The following DPYSL2 variants were observed in gnomAD, a reference collection of about 807,000 sequenced individuals.
DPYSL2 encodes the protein dihydropyrimidinase like 2.
DPYSL2 carries 13 observed loss-of-function variants against 69.9 expected under a neutral mutation model. The observed-to-expected ratio is 0.19, with a 90% CI of 0.12 to 0.30. The LOEUF (loss-of-function observed/expected upper bound fraction) is 0.30, where lower values mean the gene tolerates loss of function less well. Among genes scored for constraint, DPYSL2 ranks in the 10% least tolerant of loss-of-function variants. The probability of loss-of-function intolerance (pLI) is 1.00; values close to 1 mark genes in which losing one functional copy is unlikely to be tolerated. For missense variants in DPYSL2, 587 were observed against 918.9 expected, an observed-to-expected ratio of 0.64 and a Z score of 4.67; for synonymous variants, 326 against 359.1, an observed-to-expected ratio of 0.91 and a Z score of 1.04.
intron 8 of DPYSL2, among the ~76,000 whole-genome samples, chr8:26,639,554 G>A (rs1802994158): frequency 6.6e-6 from 1 of 152,226 alleles, no homozygotes; most frequent in Non-Finnish European, 1.5e-5. Flanking sequence ...CATAAGGGCA[G>A]ACATAGAAAC....
At chr8:26,540,748 A>G (rs1004059748) in intron 1 of DPYSL2, among the ~76,000 whole-genome samples, 5 of 152,062 alleles carry the variant, frequency 3.3e-5, no homozygotes, top group Non-Finnish European at 5.9e-5. Flanking sequence ...TCTACTAAAA[A>G]TACAAAATTA....
At chr8:26,604,753 C>T (rs746565782) in intron 3 of DPYSL2, among the ~76,000 whole-genome samples, 7 of 151,988 alleles carry the variant, frequency 4.6e-5, no homozygotes, top group South Asian at 2.1e-4. Flanking sequence ...TCTCCTCCTC[C>T]GGGGTTCAAG....
chr8:26,553,898 C>CTTTTTTTTTTTTTTTTTTTTTTTTTGTT (rs35594312), intron 1 of DPYSL2, among the ~76,000 whole-genome samples: 1 of 117,068 alleles, frequency 8.5e-6, no homozygotes, highest in African/African-American at 3.3e-5. Context: ...TATTTTTGGG[C>CTTTTTTTTTTTTTTTTTTTTTTTTTGTT]TTTTTTTTTT....
At chr8:26,618,330 T>C (rs753151943) in intron 3 of DPYSL2, among the ~76,000 whole-genome samples, 5 of 149,686 alleles carry the variant, frequency 3.3e-5, no homozygotes, top group Non-Finnish European at 7.4e-5. Context: ...TTTTTTTTCT[T>C]AATAGACAGT....
rs1382070476 is a variant in DPYSL2 at position 26,597,719 on chromosome 8, C to G, written c.628+13736C>G. Among the ~76,000 whole-genome samples, 1 of 151,808 alleles carries G rather than the reference C, an allele frequency of 6.6e-6. No individual in the cohort carries two copies. Among genetic ancestry groups the G allele is most frequent in the Non-Finnish European group, 1.5e-5 (1 of 67,984 alleles). On this transcript the variant is annotated intron_variant, in intron 3 of 13. Coordinates refer to ENST00000521913, the MANE Select transcript of DPYSL2 (RefSeq NM_001197293.3). The surrounding 1 kb of genome is among the most constrained non-coding windows in gnomAD (Gnocchi z 5.2). ...TCGATCTCCTGACCTTGTGATCCAC[C>G]CGCCTCGGCCTCCCAAAGTGCTGGG...
At chr8:26,576,875 G>GCAGCTGCCCCCGACAGCGCTGCAGGCAC (rs1801356815) in intron 1 of DPYSL2, among the ~76,000 whole-genome samples, 1 of 152,208 alleles carries the variant, frequency 6.6e-6, no homozygotes, top group African/African-American at 2.4e-5. Flanking sequence ...TGGGATCGCA[G>GCAGCTGCCCCCGACAGCGCTGCAGGCAC]CAGCTGCCCC....
intron 1 of DPYSL2, among the ~76,000 whole-genome samples, chr8:26,528,422 G>A (rs1388724141): frequency 6.6e-6 from 1 of 152,150 alleles, no homozygotes; most frequent in Non-Finnish European, 1.5e-5. Flanking sequence ...GCTGAGGCGG[G>A]TGGATCCCGA....
intron 8 of DPYSL2, among the ~76,000 whole-genome samples, chr8:26,636,674 C>T (rs1293051608): frequency 2.0e-5 from 3 of 152,056 alleles, no homozygotes; most frequent in Non-Finnish European, 2.9e-5. Context: ...TGTGTTGTTG[C>T]GGTGCCCAGT....
intron 1 of DPYSL2, among the ~76,000 whole-genome samples, chr8:26,544,259 A>G (rs963670472): frequency 6.6e-6 from 1 of 152,176 alleles, no homozygotes; most frequent in Non-Finnish European, 1.5e-5. Context: ...GACAGTAGCC[A>G]ATTGTGCCTC....
At chr8:26,636,297 G>A (rs368096126) in intron 8 of DPYSL2, among the ~76,000 whole-genome samples, 21 of 152,344 alleles carry the variant, frequency 1.4e-4, no homozygotes, top group African/African-American at 5.0e-4. Context: ...AGAAGGCAGC[G>A]CATTTGTGGG....
chr8:26,578,210 G>A (rs1243023527), intron 1 of DPYSL2: 1 of 1,610,736 alleles, frequency 6.2e-7, no homozygotes, highest in Admixed American at 1.7e-5. Context: ...GGCAGTTTTT[G>A]CCTTAAAGCT....
Position 26,533,152 on chromosome 8 carries a change from G to A in DPYSL2, c.354+18473G>A, listed in dbSNP as rs1168815036. On this transcript the variant is annotated intron_variant, in intron 1 of 13. Transcript: ENST00000521913. This position sits in a 1 kb window ranked among gnomAD's most constrained non-coding sequence, Gnocchi z 4.8. The stretch of plus-strand genomic sequence containing the variant: ...TTGATGCCATTGAGCATCTTTTCAT[G>A]TGCTTATGTCATTTGTATCTCTTTG... Among the ~76,000 whole-genome samples the A allele has an allele frequency of 6.6e-6, 1 of 152,112 alleles. No individual in the cohort carries two copies. The highest frequency in any genetic ancestry group is 1.5e-5 in the Non-Finnish European group (1 of 68,030).
At position 26,582,503 on chromosome 8, in the gene DPYSL2, C is replaced by G. The variant is rs1022272743; in HGVS notation, c.443+446C>G. Among the ~76,000 whole-genome samples, 15 of 152,202 alleles carry G rather than the reference C, an allele frequency of 9.9e-5. No individual in the cohort carries two copies. Among genetic ancestry groups the G allele is most frequent in the African/African-American group, 3.6e-4 (15 of 41,454 alleles). On this transcript the variant is annotated intron_variant, in intron 2 of 13. Transcript: ENST00000521913. This position sits in a 1 kb window ranked among gnomAD's most constrained non-coding sequence, Gnocchi z 4.1. The stretch of plus-strand genomic sequence containing the variant: ...AGTTGGAGGGGCCAAAGAAAGATAC[C>G]AAGTTAATTACTAAGTAATACAGAC...
chr8:26,601,619 C>T (rs780835497), intron 3 of DPYSL2, among the ~76,000 whole-genome samples: 17 of 151,978 alleles, frequency 1.1e-4, no homozygotes, highest in African/African-American at 2.4e-4. Flanking sequence ...CCTTGTGATC[C>T]GCCCGTCTTG....
intron 1 of DPYSL2, among the ~76,000 whole-genome samples, chr8:26,556,119 ATATATAT>A (rs1180474493): frequency 8.2e-5 from 1 of 12,176 alleles, no homozygotes; most frequent in Non-Finnish European, 1.9e-4. Context: ...TATATATACT[ATATATAT>A]TATATATACT....
intron 3 of DPYSL2, among the ~76,000 whole-genome samples, chr8:26,590,002 C>T (rs1480490328): frequency 2.0e-5 from 3 of 152,210 alleles, no homozygotes; most frequent in Non-Finnish European, 2.9e-5. Flanking sequence ...CACTGCGGTA[C>T]ATCCACGGCT....
At chr8:26,525,591 G>A (rs1808463131) in intron 1 of DPYSL2, among the ~76,000 whole-genome samples, 1 of 152,168 alleles carries the variant, frequency 6.6e-6, no homozygotes, top group African/African-American at 2.4e-5. Context: ...TAACATGTAA[G>A]TTAATTTTTC....
intron 1 of DPYSL2, among the ~76,000 whole-genome samples, chr8:26,537,779 A>G (rs1800618757): frequency 6.6e-6 from 1 of 152,228 alleles, no homozygotes; most frequent in African/African-American, 2.4e-5. Flanking sequence ...ATTCACATTG[A>G]TACAATACTA....
In DPYSL2 at chr8:26,533,326, T is replaced by A. The variant is rs749000143; in HGVS notation, c.354+18647T>A. Among the ~76,000 whole-genome samples, 3 of 152,254 alleles carry A rather than the reference T, an allele frequency of 2.0e-5. No homozygotes were observed. The highest frequency in any genetic ancestry group is 2.9e-5 in the Non-Finnish European group (2 of 68,050). ...TCCTGCTCTGTGGATTGTTTTTCACTTTCCTGATAGTGTCCTTGACGTATG... is the reference window on the plus strand; with the variant it reads ...TCCTGCTCTGTGGATTGTTTTTCACATTCCTGATAGTGTCCTTGACGTATG... On this transcript the variant is annotated intron_variant, in intron 1 of 13. Transcript: ENST00000521913. The surrounding 1 kb of genome is among the most constrained non-coding windows in gnomAD (Gnocchi z 4.8).
Sources: allele counts gnomAD v4.1 joint callset (sites outside exome capture counted in the v4.1 genomes callset), GRCh38; gene constraint gnomAD v4.1.1; non-coding constraint Gnocchi (gnomAD v3.1); transcripts MANE v1.5; gene names NCBI Gene and HGNC (gene_info 2026-07-23, HGNC 2026-07-21).